AHNAK: variants seen among roughly 807,000 people sequenced by gnomAD.
The protein encoded by AHNAK is AHNAK nucleoprotein, also known as neuroblast differentiation-associated protein AHNAK.
Under a neutral mutation model 37.8 loss-of-function variants are expected in AHNAK, and 23 were observed. The ratio of observed to expected loss-of-function variants is 0.61; its 90% confidence interval spans 0.44 to 0.86. AHNAK has a LOEUF of 0.86. Ranked by LOEUF, AHNAK falls within the 40% of genes least tolerant of loss-of-function variation. The pLI is 0.00. For missense variants in AHNAK, 7,411 were observed against 7,319.4 expected (o/e 1.01, Z -0.46); for synonymous variants, 2,481 against 2,636.3 (o/e 0.94, Z 1.80).
Position 62,525,945 on chromosome 11 carries a change from C to T in AHNAK, c.8472G>A (p.Lys2824=). 1 of 1,614,184 alleles carries T rather than the reference C, an allele frequency of 6.2e-7. No individual in the cohort carries two copies. Among genetic ancestry groups the T allele is most frequent in the Non-Finnish European group, 8.5e-7 (1 of 1,180,030 alleles). Residue 2824 remains lysine (K), a synonymous_variant, in exon 5 of 5, where the codon AAG becomes AAA. Transcript: ENST00000378024. ...PEGKWKSPKF[K]MPEMHFKTPK... ...GAGTCTTAAAATGCATCTCTGGCAT[C>T]TTAAACTTTGGACTTTTCCACTTTC...
At chr11:62,538,912 C>CTA (rs1941037623) in intron 1 of AHNAK, among the ~76,000 whole-genome samples, 2 of 152,180 alleles carry the variant, frequency 1.3e-5, no homozygotes, top group Admixed American at 1.3e-4. Context: ...GGGCACTTAG[C>CTA]AGTTCCTATC....
intron 5 of AHNAK, among the ~76,000 whole-genome samples, chr11:62,487,707 A>T (rs1939420670): frequency 6.6e-6 from 1 of 152,178 alleles, no homozygotes. Flanking sequence ...TTTTCCACTT[A>T]TTTACCAAAA....
chr11:62,450,657 A>G (rs1281323303), intron 5 of AHNAK, among the ~76,000 whole-genome samples: 1 of 152,170 alleles, frequency 6.6e-6, no homozygotes, highest in African/African-American at 2.4e-5. Context: ...TCAGACCTCC[A>G]AGCCTCTGCT....
chr11:62,455,013 A>G (rs1332808296), intron 5 of AHNAK, among the ~76,000 whole-genome samples: 4 of 148,658 alleles, frequency 2.7e-5, no homozygotes, highest in African/African-American at 9.9e-5. Flanking sequence ...ATTCACTGCA[A>G]CCTCCGCCCC....
At position 62,528,805 on chromosome 11, in the gene AHNAK, C is replaced by T; in HGVS notation, c.5612G>A (p.Gly1871Glu). 1.2e-6 allele frequency: 2 copies of T among 1,612,672 alleles called. No homozygotes were observed. The highest frequency in any genetic ancestry group is 1.7e-6 in the Non-Finnish European group (2 of 1,179,608). Residue 1871 changes from glycine (G) to glutamate (E), a missense_variant, in exon 5 of 5, where the codon GGG becomes GAG. Transcript: ENST00000378024. Reference sequence around the variant, plus strand: ...TTTTGGCACCGACACATCCGCATCCCCTTTGACTTTGGGGCCTTTCAGGTG... The same window carrying T: ...TTTTGGCACCGACACATCCGCATCCTCTTTGACTTTGGGGCCTTTCAGGTG... ...DLHLKGPKVK[G>E]DADVSVPKLE... is the part of the protein sequence containing the mutation.
At position 62,532,244 on chromosome 11, in the gene AHNAK, C is replaced by A. The variant is rs1291139419; in HGVS notation, c.2173G>T (p.Glu725Ter). Reference sequence around the variant, plus strand: ...ATGTCCACTTTTGGGCCTTTGAGTTCTCCTTCCAGCTTTGGTACAGTTACA... The same window carrying A: ...ATGTCCACTTTTGGGCCTTTGAGTTATCCTTCCAGCTTTGGTACAGTTACA... Reference protein sequence around the residue: ...YDVTVPKLEGELKGPKVDIDA... With the variant: ...YDVTVPKLEG Residue 725 changes from glutamate (E) to a stop codon, truncating the protein, a stop_gained, in exon 5 of 5, where the codon GAA becomes TAA. Coordinates refer to ENST00000378024, the MANE Select transcript of AHNAK (RefSeq NM_001620.3). LOFTEE classifies it low-confidence loss of function (END_TRUNC). 6.2e-7 allele frequency: 1 copy of A among 1,613,916 alleles called. No homozygotes were observed. Among genetic ancestry groups the A allele is most frequent in the Non-Finnish European group, 8.5e-7 (1 of 1,180,024 alleles).
Position 62,522,590 on chromosome 11 carries a change from G to A in AHNAK, c.11827C>T (p.Pro3943Ser), listed in dbSNP as rs147762360. The part of the protein sequence containing the change: ...PKIKMPKISM[P>S]GFKGEGPEVD... ...TCTGGACCTTCTCCTTTGAAGCCAG[G>A]CATGCTGATCTTGGGCATTTTTATC... Residue 3943 changes from proline (P) to serine (S), a missense_variant, in exon 5 of 5, where the codon CCT becomes TCT. Pro to Ser is a moderately conservative substitution (Grantham distance 74). Transcript: ENST00000378024. 14 of 1,611,746 alleles carry A rather than the reference G, an allele frequency of 8.7e-6. No homozygotes were observed. The highest frequency in any genetic ancestry group is 2.2e-5 in the South Asian group (2 of 90,948).
intron 5 of AHNAK, among the ~76,000 whole-genome samples, chr11:62,444,672 C>A (rs1322114322): frequency 6.6e-6 from 1 of 152,214 alleles, no homozygotes; most frequent in African/African-American, 2.4e-5. Context: ...TCACATCTGA[C>A]GCCCCTTTCC....
chr11:62,510,783 A>G (rs543609264), intron 4 of AHNAK, among the ~76,000 whole-genome samples: 1 of 152,156 alleles, frequency 6.6e-6, no homozygotes, highest in African/African-American at 2.4e-5. Flanking sequence ...ATATATGTAT[A>G]TGTAGAGAGA....
chr11:62,506,908 C>G (rs955609628), intron 4 of AHNAK, among the ~76,000 whole-genome samples: 1 of 152,114 alleles, frequency 6.6e-6, no homozygotes, highest in Non-Finnish European at 1.5e-5. Context: ...GGGTGTATGT[C>G]CCAGTTTTTT....
chr11:62,471,293 A>AG (rs1024097504), intron 5 of AHNAK, among the ~76,000 whole-genome samples: 5 of 151,952 alleles, frequency 3.3e-5, no homozygotes, highest in Admixed American at 1.3e-4. Context: ...TGTCGCAACT[A>AG]GGGGGGGCTT....
Position 62,526,978 on chromosome 11 carries a change from C to G in AHNAK, c.7439G>C (p.Gly2480Ala), listed in dbSNP as rs146716934. 60 of 1,613,868 alleles carry G rather than the reference C, an allele frequency of 3.7e-5. No individual in the cohort carries two copies. In the African/African-American group the frequency reaches 4.7e-4, roughly 13 times the overall value. ...GTTCATATCTGGTACTTCAAGTTTA[C>G]CTTCTACCTCAGGCACAGACACATC... Reference protein sequence around the residue: ...DVDVSVPEVEGKLEVPDMNIR... With the variant: ...DVDVSVPEVEAKLEVPDMNIR... The change falls in exon 5 of 5, where the codon GGT becomes GCT. Residue 2480 changes from glycine to alanine, a missense_variant. Gly to Ala is a moderately conservative substitution (Grantham distance 60). Transcript: ENST00000378024.
Position 62,463,659 on chromosome 11 carries a change from C to T in AHNAK, c.442+28073G>A, listed in dbSNP as rs535010252. ...CAGGGTGACCGACTGTCCTGGTTTG[C>T]CTGGAACTGAGGGGGTTCCTGGGGT... On this transcript the variant is annotated intron_variant, in intron 5 of 5. Transcript: ENST00000257247. 2.2e-4 allele frequency among the ~76,000 whole-genome samples: 33 copies of T among 152,218 alleles called. 1 individual carries two copies. The South Asian group carries it at 6.9e-3, about 32-fold the overall frequency.
rs1259327297 is a variant in AHNAK, at chr11:62,520,300, C to A, written c.14117G>T (p.Gly4706Val). The A allele has an allele frequency of 6.2e-7, 1 of 1,613,100 alleles. No homozygotes were observed. The highest frequency in any genetic ancestry group is 1.3e-5 in the African/African-American group (1 of 74,550). ...CATCTCAGGCATCTTGAACTTGGGG[C>A]CCTTTAGTTTCGCATCTGGACCTTC... Reference protein sequence around the residue: ...NIEGPDAKLKGPKFKMPEMSI... With the variant: ...NIEGPDAKLKVPKFKMPEMSI... Residue 4706 changes from glycine (G) to valine (V), a missense_variant, in exon 5 of 5, where the codon GGC (glycine) becomes GTC (valine). Transcript: ENST00000378024.
At chr11:62,496,048 C>CAA (rs774256386) in intron 4 of AHNAK, among the ~76,000 whole-genome samples, 21 of 109,180 alleles carry the variant, frequency 1.9e-4, no homozygotes, top group African/African-American at 6.2e-4. Context: ...GATCCTGTCT[C>CAA]AAAAAAAAAA....
intron 5 of AHNAK, among the ~76,000 whole-genome samples, chr11:62,485,121 G>A (rs1182250258): frequency 2.6e-5 from 4 of 152,148 alleles, no homozygotes; most frequent in Non-Finnish European, 5.9e-5. Context: ...TTAATTGGCC[G>A]GGAGCAGTGG....
In AHNAK at chr11:62,518,888, C is replaced by T; in HGVS notation, c.15529G>A (p.Gly5177Ser). Reference protein sequence around the residue: ...NLGAPDINIEGLDAKVKTPSF... With the variant: ...NLGAPDINIESLDAKVKTPSF... ...GGTGTTTTGACTTTAGCATCTAGGC[C>T]TTCGATGTTGATGTCAGGTGCACCC... The change falls in exon 5 of 5, where the codon GGC becomes AGC. Residue 5177 changes from glycine to serine, a missense_variant. Coordinates refer to ENST00000378024, the MANE Select transcript of AHNAK (RefSeq NM_001620.3). The T allele has an allele frequency of 6.2e-7, 1 of 1,614,212 alleles. No homozygotes were observed. The highest frequency in any genetic ancestry group is 8.5e-7 in the Non-Finnish European group (1 of 1,180,042).
intron 5 of AHNAK, among the ~76,000 whole-genome samples, chr11:62,458,952 G>A (rs1330725052): frequency 6.6e-6 from 1 of 152,136 alleles, no homozygotes; most frequent in Non-Finnish European, 1.5e-5. Context: ...AAGAAAGCTG[G>A]CCAGGCCCTG....
intron 5 of AHNAK, among the ~76,000 whole-genome samples, chr11:62,479,331 C>A (rs1045240886): frequency 1.3e-5 from 2 of 151,896 alleles, no homozygotes; most frequent in African/African-American, 4.8e-5. Flanking sequence ...CCACGTCTGG[C>A]TAATTTTGTA....
Sources: gnomAD v4.1 joint callset for allele counts (sites outside exome capture counted in the v4.1 genomes callset) on GRCh38, gnomAD v4.1.1 for gene constraint, MANE v1.5 for transcripts, NCBI Gene and HGNC (gene_info 2026-07-23, HGNC 2026-07-21) for gene names.